The following PRKG1 variants were observed in gnomAD, a reference collection of about 807,000 sequenced individuals.
PRKG1 encodes the protein protein kinase cGMP-dependent 1.
Under a neutral mutation model 88.1 loss-of-function variants are expected in PRKG1, and 35 were observed. The ratio of observed to expected loss-of-function variants is 0.40; its 90% CI spans 0.30 to 0.53. The LOEUF (loss-of-function observed/expected upper bound fraction) is 0.53, where lower values mean the gene tolerates loss of function less well. Among genes scored for constraint, PRKG1 ranks in the 20% least tolerant of loss-of-function variants. PRKG1 has a pLI of 0.59. For missense variants in PRKG1, 540 were observed against 839.8 expected (o/e 0.64, Z 4.41); for synonymous variants, 303 against 292.5 (o/e 1.04, Z -0.37).
chr10:51,281,857 A>T (rs1318820496), intron 2 of PRKG1, among the ~76,000 whole-genome samples: 1 of 152,190 alleles, frequency 6.6e-6, no homozygotes, highest in African/African-American at 2.4e-5. Flanking sequence ...TAGCTTCAAA[A>T]GCAGTGATTC....
chr10:51,312,176 C>G (rs1841205851), intron 2 of PRKG1, among the ~76,000 whole-genome samples: 1 of 152,124 alleles, frequency 6.6e-6, no homozygotes, highest in Non-Finnish European at 1.5e-5. Context: ...CCAGCCCTTC[C>G]TGATATCTTC....
At chr10:51,957,726 T>C (rs1843348543) in intron 5 of PRKG1, among the ~76,000 whole-genome samples, 1 of 152,192 alleles carries the variant, frequency 6.6e-6, no homozygotes, top group Admixed American at 6.5e-5. Flanking sequence ...TTACAAAATA[T>C]GTGTTCAATT....
At chr10:51,440,923 TA>T (rs1269092693) in intron 2 of PRKG1, among the ~76,000 whole-genome samples, 1 of 151,962 alleles carries the variant, frequency 6.6e-6, no homozygotes, top group African/African-American at 2.4e-5. Context: ...AATAAGAGGA[TA>T]TGTTGAAGCC....
intron 9 of PRKG1, among the ~76,000 whole-genome samples, chr10:52,210,664 A>C (rs1010704370): frequency 3.9e-5 from 6 of 152,224 alleles, no homozygotes; most frequent in African/African-American, 1.4e-4. Context: ...GAAATCTCAG[A>C]GATATCTGCT....
In PRKG1 at chr10:51,762,414, T is replaced by A. The variant is rs546865832; in HGVS notation, c.593-42171T>A. Among the ~76,000 whole-genome samples, 10 of 152,316 alleles carry A rather than the reference T, an allele frequency of 6.6e-5. No homozygotes were observed. The South Asian group carries it at 2.1e-3, about 32-fold the overall frequency. On this transcript the variant is annotated intron_variant, in intron 3 of 17. Transcript: ENST00000373980. ...AAAGCTCTTATTGATTGGGTATACC[T>A]GAGACACAGGTGTATTATAAAACAT...
intron 8 of PRKG1, among the ~76,000 whole-genome samples, chr10:52,153,841 G>C (rs1293985573): frequency 1.3e-5 from 2 of 152,084 alleles, no homozygotes; most frequent in African/African-American, 4.8e-5. Flanking sequence ...CGCCTCCCGG[G>C]TTCAAGTGAT....
intron 1 of PRKG1, among the ~76,000 whole-genome samples, chr10:51,120,499 C>G (rs956255715): frequency 6.6e-6 from 1 of 152,058 alleles, no homozygotes; most frequent in African/African-American, 2.4e-5. Context: ...TTCTTTCCTT[C>G]TACATTTTCT....
At chr10:52,233,754 C>A (rs1324724476) in intron 9 of PRKG1, among the ~76,000 whole-genome samples, 7 of 150,434 alleles carry the variant, frequency 4.7e-5, no homozygotes, top group Admixed American at 1.3e-4. Context: ...CCCGCCATTG[C>A]CCAGGCTTGC....
chr10:51,885,666 T>G (rs1384614828), intron 4 of PRKG1, among the ~76,000 whole-genome samples: 3 of 152,180 alleles, frequency 2.0e-5, no homozygotes, highest in Non-Finnish European at 2.9e-5. Flanking sequence ...CACACCTCCG[T>G]GTCTTTATTA....
At chr10:51,236,345 T>C (rs927162887) in intron 2 of PRKG1, among the ~76,000 whole-genome samples, 1 of 152,136 alleles carries the variant, frequency 6.6e-6, no homozygotes. Flanking sequence ...TGTAGAAATG[T>C]TTATTTCCTG....
chr10:51,412,271 CAGGAAAAAAGGA>C (rs1838115271), intron 2 of PRKG1, among the ~76,000 whole-genome samples: 1 of 150,708 alleles, frequency 6.6e-6, no homozygotes, highest in East Asian at 2.0e-4. Flanking sequence ...AACAGGGCCT[CAGGAAAAAAGGA>C]AGGAAAAAAC....
chr10:52,022,379 T>C (rs1389380775), intron 5 of PRKG1, among the ~76,000 whole-genome samples: 1 of 152,206 alleles, frequency 6.6e-6, no homozygotes, highest in Non-Finnish European at 1.5e-5. Context: ...TATTGATCAA[T>C]GAAAAATGTT....
chr10:52,144,433 A>G (rs1837672281), intron 8 of PRKG1, among the ~76,000 whole-genome samples: 1 of 152,204 alleles, frequency 6.6e-6, no homozygotes, highest in Non-Finnish European at 1.5e-5. Context: ...GATTAATTAC[A>G]ATGGGGAGGA....
chr10:52,129,562 C>T (rs1837199892), intron 7 of PRKG1, among the ~76,000 whole-genome samples: 1 of 152,152 alleles, frequency 6.6e-6, no homozygotes, highest in Non-Finnish European at 1.5e-5. Flanking sequence ...TACAGACACC[C>T]TCTTAGAGAG....
In PRKG1 at chr10:52,259,513, A is replaced by G. The variant is rs75460733; in HGVS notation, c.1173+7847A>G. Reference sequence around the variant, plus strand: ...CTGTATGTTTCAATATATCTCATCAATTGCATATATTTAATTTATTGCTAA... The same window carrying G: ...CTGTATGTTTCAATATATCTCATCAGTTGCATATATTTAATTTATTGCTAA... On this transcript the variant is annotated intron_variant, in intron 10 of 17. Transcript: ENST00000373980. Among the ~76,000 whole-genome samples, 1,491 of 152,200 alleles carry G rather than the reference A, an allele frequency of 9.8e-3. 27 individuals carry two copies. Among genetic ancestry groups the G allele is most frequent in the African/African-American group, 0.034 (1,423 of 41,546 alleles).
At chr10:52,165,095 T>A (rs1838397314) in intron 9 of PRKG1, among the ~76,000 whole-genome samples, 1 of 152,176 alleles carries the variant, frequency 6.6e-6, no homozygotes, top group Admixed American at 6.5e-5. Context: ...GTGAGGCTGA[T>A]AATATGACCT....
intron 2 of PRKG1, among the ~76,000 whole-genome samples, chr10:51,164,482 G>A (rs960382972): frequency 2.0e-5 from 3 of 152,178 alleles, no homozygotes; most frequent in African/African-American, 7.2e-5. Flanking sequence ...ACTCCAAAAA[G>A]CAGAGCGCCT....
At chr10:51,268,514 T>C (rs1292765337) in intron 2 of PRKG1, among the ~76,000 whole-genome samples, 3 of 152,156 alleles carry the variant, frequency 2.0e-5, no homozygotes, top group African/African-American at 7.2e-5. Flanking sequence ...TCAGGGATAT[T>C]TCTCCCATTT....
At chr10:51,685,827 A>C (rs1391074294) in intron 3 of PRKG1, among the ~76,000 whole-genome samples, 2 of 152,096 alleles carry the variant, frequency 1.3e-5, no homozygotes, top group East Asian at 3.9e-4. Flanking sequence ...TGGGGAAAAC[A>C]AAACAACAAC....
Sources: allele counts gnomAD v4.1 joint callset (sites outside exome capture counted in the v4.1 genomes callset), GRCh38; gene constraint gnomAD v4.1.1; transcripts MANE v1.5; gene names NCBI Gene and HGNC (gene_info 2026-07-23, HGNC 2026-07-21).